The following DPY19L4 variants were observed in gnomAD, a reference collection of about 807,000 sequenced individuals.
DPY19L4 encodes dpy-19 like 4.
Under a neutral mutation model 102.8 loss-of-function variants are expected in DPY19L4, and 97 were observed. The observed-to-expected ratio is 0.94, with a 90% CI of 0.80 to 1.12. DPY19L4 has a LOEUF of 1.12. Among genes scored for constraint, DPY19L4 ranks in the 50% most tolerant of loss-of-function variants. The pLI is 0.00. For missense variants in DPY19L4, 815 were observed against 850.4 expected (o/e 0.96, Z 0.52); for synonymous variants, 252 against 283.1 (o/e 0.89, Z 1.10).
intron 6 of DPY19L4, among the ~76,000 whole-genome samples, chr8:94,746,250 A>G (rs1811669960): frequency 1.3e-5 from 2 of 151,218 alleles, no homozygotes; most frequent in East Asian, 1.9e-4. Flanking sequence ...TAGTAGAGAC[A>G]GGGTTTCACC....
rs779873478 is a variant in DPY19L4 at position 94,739,732 on chromosome 8, C to G, written c.553C>G (p.Leu185Val). Residue 185 changes from leucine to valine, a missense_variant, in exon 6 of 19, where the codon CTT (leucine) becomes GTT (valine). Coordinates refer to ENST00000414645, the MANE Select transcript of DPY19L4 (RefSeq NM_181787.3). ...TACTGCTTTATTTGTTACAAGTTGG[C>G]TTATGAGTGGAACATGGCTAGCAGG... Reference protein sequence around the residue: ...YVTALFVTSWLMSGTWLAGML... With the variant: ...YVTALFVTSWVMSGTWLAGML... 1.9e-6 allele frequency: 3 copies of G among 1,613,200 alleles called. No individual in the cohort carries two copies. Among genetic ancestry groups the G allele is most frequent in the Non-Finnish European group, 2.5e-6 (3 of 1,180,024 alleles).
At chr8:94,755,988 C>T (rs1466259818) in intron 6 of DPY19L4, 48 bp from the exon 7 acceptor site, 1 of 1,555,342 alleles carries the variant, frequency 6.4e-7, no homozygotes, top group Admixed American at 1.8e-5. Context: ...TATAGTGTAA[C>T]ACAAATATAA....
In DPY19L4 at chr8:94,787,980, T is replaced by C; in HGVS notation, c.1935T>C (p.Asp645=). 6.6e-7 allele frequency: 1 copy of C among 1,523,746 alleles called. No homozygotes were observed. The highest frequency in any genetic ancestry group is 1.7e-4 in the Middle Eastern group (1 of 5,732). 94.4% of individuals were successfully genotyped at this position (1,523,746 alleles called of 1,614,324 possible). ...SYKANYLIVE[D]AICNEVGPMR... Reference sequence around the variant, plus strand: ...AAGCTAATTACCTAATTGTAGAGGATGCTATCTGCAATGAGGTGGGACCCA... The same window carrying C: ...AAGCTAATTACCTAATTGTAGAGGACGCTATCTGCAATGAGGTGGGACCCA... Residue 645 remains aspartate, a synonymous_variant, in exon 18 of 19, where the codon GAT becomes GAC. Coordinates refer to ENST00000414645, the MANE Select transcript of DPY19L4 (RefSeq NM_181787.3).
At chr8:94,732,069 C>A (rs1240303125) in intron 2 of DPY19L4, among the ~76,000 whole-genome samples, 1 of 152,034 alleles carries the variant, frequency 6.6e-6, no homozygotes, top group Admixed American at 6.6e-5. Flanking sequence ...CCGTGCCCGG[C>A]CTGCAGAGTG....
chr8:94,731,441 A>G (rs1195009821), intron 2 of DPY19L4, among the ~76,000 whole-genome samples: 1 of 152,136 alleles, frequency 6.6e-6, no homozygotes, highest in African/African-American at 2.4e-5. Context: ...TTTGAGATGG[A>G]GTTTCGCTCT....
intron 3 of DPY19L4, among the ~76,000 whole-genome samples, chr8:94,738,076 T>C (rs1047142840): frequency 6.6e-6 from 1 of 151,540 alleles, no homozygotes; most frequent in African/African-American, 2.4e-5. Flanking sequence ...CCCAGCACTT[T>C]GGGAGGCTGA....
Position 94,741,189 on chromosome 8 carries a change from C to T in DPY19L4, c.611+1399C>T, listed in dbSNP as rs1325025712. Among the ~76,000 whole-genome samples the T allele has an allele frequency of 2.6e-5, 4 of 152,246 alleles. No homozygotes were observed. In the East Asian group the frequency reaches 7.7e-4, roughly 29 times the overall value. On this transcript the variant is annotated intron_variant, in intron 6 of 18. Transcript: ENST00000414645. ...GTTAATTGATCAACCCCTAGTGAAG[C>T]TGAGATTGACTACTGGTTTGGGGGA...
At chr8:94,767,594 A>G (rs1286616621) in intron 11 of DPY19L4, among the ~76,000 whole-genome samples, 2 of 152,138 alleles carry the variant, frequency 1.3e-5, no homozygotes, top group African/African-American at 4.8e-5. Flanking sequence ...GCCTGGCTCA[A>G]CGAGGAGTCT....
In DPY19L4 at chr8:94,770,446, T is replaced by C. The variant is rs775783292; in HGVS notation, c.1335-6T>C. 8 of 1,597,040 alleles carry C rather than the reference T, an allele frequency of 5.0e-6. No individual in the cohort carries two copies. In the African/African-American group the frequency reaches 1.1e-4, roughly 22 times the overall value. ...AAGTATTAAAAAATACATTTTCTTT[T>C]TGTAGTGGTAAGTCCCTGAAGGAAA... On this transcript the variant is annotated splice_region_variant and splice_polypyrimidine_tract_variant and intron_variant, in intron 12 of 18. Coordinates refer to ENST00000414645, the MANE Select transcript of DPY19L4 (RefSeq NM_181787.3).
chr8:94,755,482 A>G (rs1021684076), intron 6 of DPY19L4, among the ~76,000 whole-genome samples: 10 of 152,120 alleles, frequency 6.6e-5, no homozygotes, highest in South Asian at 2.1e-4. Context: ...GCCTTCTTCA[A>G]TCTCTCACAG....
At chr8:94,757,243 T>C (rs1812200616) in intron 7 of DPY19L4, among the ~76,000 whole-genome samples, 1 of 152,196 alleles carries the variant, frequency 6.6e-6, no homozygotes, top group South Asian at 2.1e-4. Context: ...AATGTGCTAT[T>C]CTTTTCTCCT....
intron 13 of DPY19L4, among the ~76,000 whole-genome samples, chr8:94,773,588 G>T (rs566046106): frequency 6.6e-6 from 1 of 151,856 alleles, no homozygotes; most frequent in South Asian, 2.1e-4. Context: ...GCGCCACCAC[G>T]CCCGGCTGAT....
At chr8:94,787,721 T>C (rs1443323743) in intron 17 of DPY19L4, among the ~76,000 whole-genome samples, 173 bp from the exon 18 acceptor site, 1 of 151,974 alleles carries the variant, frequency 6.6e-6, no homozygotes, top group Non-Finnish European at 1.5e-5. Context: ...AGTTTTGATA[T>C]ATAGATGAAT....
chr8:94,764,689 G>GTGTGTGTGTGTGTGTGTATATATA (rs1415377058), intron 8 of DPY19L4, among the ~76,000 whole-genome samples: 2 of 43,210 alleles, frequency 4.6e-5, no homozygotes, highest in African/African-American at 2.3e-4. Flanking sequence ...GTCTGTGTGT[G>GTGTGTGTGTGTGTGTGTATATATA]TATATATATA....
At chr8:94,728,194 G>A (rs1455813224) in intron 2 of DPY19L4, among the ~76,000 whole-genome samples, 5 of 152,168 alleles carry the variant, frequency 3.3e-5, no homozygotes, top group African/African-American at 1.2e-4. Flanking sequence ...CCTGACCTCA[G>A]GTGATCCGCC....
In DPY19L4 at chr8:94,771,064, G is replaced by A. The variant is rs547854381; in HGVS notation, c.1454+493G>A. 5.5e-4 allele frequency among the ~76,000 whole-genome samples: 83 copies of A among 152,138 alleles called. 1 individual carries two copies. The highest frequency in any genetic ancestry group is 5.0e-3 in the South Asian group (24 of 4,818). ...TAAGTAGCCGGGATTACAGGCGTGC[G>A]CCACTGCACCTGGCTAATTTTTTTG... On this transcript the variant is annotated intron_variant, in intron 13 of 18. Coordinates refer to ENST00000414645, the MANE Select transcript of DPY19L4 (RefSeq NM_181787.3).
intron 8 of DPY19L4, among the ~76,000 whole-genome samples, chr8:94,762,037 T>C (rs888147599): frequency 2.6e-5 from 4 of 152,114 alleles, no homozygotes; most frequent in African/African-American, 9.7e-5. Context: ...AAGGGTGATA[T>C]GAGCCTGAAA....
chr8:94,729,947 T>C (rs1420062355), intron 2 of DPY19L4, among the ~76,000 whole-genome samples: 3 of 152,014 alleles, frequency 2.0e-5, no homozygotes, highest in Admixed American at 6.6e-5. Flanking sequence ...TACAAAAATA[T>C]ATTTTCAGGG....
chr8:94,752,644 T>G (rs1811988905), intron 6 of DPY19L4, among the ~76,000 whole-genome samples: 1 of 148,506 alleles, frequency 6.7e-6, no homozygotes, highest in Non-Finnish European at 1.5e-5. Context: ...CTAAATTCAT[T>G]TATTAGTTTT....
Sources: allele counts gnomAD v4.1 joint callset (sites outside exome capture counted in the v4.1 genomes callset), GRCh38; gene constraint gnomAD v4.1.1; transcripts MANE v1.5; gene names NCBI Gene and HGNC (gene_info 2026-07-23, HGNC 2026-07-21).